The following ADD3 variants were observed in gnomAD, a reference collection of about 807,000 sequenced individuals.
ADD3 encodes gamma-adducin.
In ADD3, 25 loss-of-function variants were observed where a neutral mutation model predicts 80.2. The observed-to-expected ratio is 0.31, with a 90% CI of 0.23 to 0.44. ADD3 has a LOEUF of 0.44. Ranked by LOEUF, ADD3 falls within the 20% of genes least tolerant of loss-of-function variation. The pLI is 1.00. For missense variants in ADD3, 829 were observed against 847.5 expected (o/e 0.98, Z 0.27); for synonymous variants, 284 against 289.6 (o/e 0.98, Z 0.20).
At chr10:110,063,783 A>ATATATATATATATATATAT (rs1491280257) in intron 1 of ADD3, among the ~76,000 whole-genome samples, 3 of 123,352 alleles carry the variant, frequency 2.4e-5, no homozygotes, top group Non-Finnish European at 5.1e-5. Context: ...ATATATATAT[A>ATATATATATATATATATAT]AAGTGAACAC....
At chr10:110,040,821 C>G (rs968852924) in intron 1 of ADD3, among the ~76,000 whole-genome samples, 22 of 152,096 alleles carry the variant, frequency 1.4e-4, no homozygotes, top group Non-Finnish European at 1.2e-4. Context: ...AATGGTAAAA[C>G]AGAAGGAATG....
chr10:110,018,860 G>C (rs1853314205), intron 1 of ADD3, among the ~76,000 whole-genome samples: 1 of 152,064 alleles, frequency 6.6e-6, no homozygotes, highest in Admixed American at 6.6e-5. Context: ...TGGCAGTGGT[G>C]GTCACATGTA....
At chr10:110,064,718 A>G (rs1057480443) in intron 1 of ADD3, among the ~76,000 whole-genome samples, 15 of 152,184 alleles carry the variant, frequency 9.9e-5, no homozygotes. Context: ...TTTCTGAACA[A>G]TACAAGGATC....
intron 1 of ADD3, among the ~76,000 whole-genome samples, chr10:110,018,364 CT>C (rs1449325464): frequency 6.6e-6 from 1 of 151,530 alleles, no homozygotes; most frequent in African/African-American, 2.4e-5. Context: ...CCCATCTCTA[CT>C]AAAAATATAA....
At chr10:110,092,199 G>A (rs950548094) in intron 1 of ADD3, among the ~76,000 whole-genome samples, 2 of 152,124 alleles carry the variant, frequency 1.3e-5, no homozygotes, top group South Asian at 4.1e-4. Context: ...ATTCAACCCA[G>A]CAATCCCATT....
At chr10:110,070,772 C>A (rs1844581810) in intron 1 of ADD3, among the ~76,000 whole-genome samples, 2 of 152,028 alleles carry the variant, frequency 1.3e-5, no homozygotes, top group Non-Finnish European at 2.9e-5. Flanking sequence ...GATAACCAAA[C>A]TTGTCTCTCG....
At chr10:110,102,263 G>C (rs535359698) in intron 2 of ADD3, among the ~76,000 whole-genome samples, 1 of 142,610 alleles carries the variant, frequency 7.0e-6, no homozygotes, top group South Asian at 2.1e-4. Context: ...TAATTATTTA[G>C]ATCAAAAATA....
At chr10:110,053,357 A>G (rs1490903930) in intron 1 of ADD3, among the ~76,000 whole-genome samples, 1 of 151,986 alleles carries the variant, frequency 6.6e-6, no homozygotes, top group Non-Finnish European at 1.5e-5. Flanking sequence ...TTCATTGAAC[A>G]TTTCTCAATG....
At chr10:110,108,566 GATAA>G (rs1849637941) in intron 2 of ADD3, among the ~76,000 whole-genome samples, 1 of 151,942 alleles carries the variant, frequency 6.6e-6, no homozygotes, top group African/African-American at 2.4e-5. Context: ...CCATCTCAAA[GATAA>G]ATAAAATTTT....
At chr10:110,059,762 C>G (rs536819616) in intron 1 of ADD3, among the ~76,000 whole-genome samples, 3 of 152,276 alleles carry the variant, frequency 2.0e-5, no homozygotes, top group African/African-American at 7.2e-5. Context: ...GAGCGAGACT[C>G]TGTCTCAAAA....
At chr10:110,024,234 A>C (rs1159861878) in intron 1 of ADD3, among the ~76,000 whole-genome samples, 1 of 152,244 alleles carries the variant, frequency 6.6e-6, no homozygotes, top group Non-Finnish European at 1.5e-5. Context: ...TGGGCTTTGC[A>C]ATATCAGGTA....
At chr10:110,111,083 G>A (rs781273942) in intron 2 of ADD3, among the ~76,000 whole-genome samples, 4 of 152,092 alleles carry the variant, frequency 2.6e-5, no homozygotes, top group East Asian at 1.9e-4. Flanking sequence ...CTACCGTCAC[G>A]AGGCAGACCA....
intron 1 of ADD3, among the ~76,000 whole-genome samples, chr10:110,099,632 T>A (rs1848578063): frequency 6.6e-6 from 1 of 152,278 alleles, no homozygotes; most frequent in Admixed American, 6.5e-5. Context: ...ATAAAATGTT[T>A]GAAAGCCACC....
chr10:110,046,126 A>T (rs113823406), intron 1 of ADD3, among the ~76,000 whole-genome samples: 3,056 of 152,322 alleles, frequency 0.02, 115 homozygotes, highest in African/African-American at 0.07. Flanking sequence ...GAATTGCTTG[A>T]TGTGTACCAT....
Position 110,107,758 on chromosome 10 carries a change from A to G in ADD3, c.196-5019A>G, listed in dbSNP as rs545215107. ...TTGTGACAATTAAATAAAATAACAT[A>G]AGAGCATGCAGTACAGCACGCAGCA... On this transcript the variant is annotated intron_variant, in intron 2 of 14. Coordinates refer to ENST00000356080, the MANE Select transcript of ADD3 (RefSeq NM_016824.5). Among the ~76,000 whole-genome samples, 6 of 152,308 alleles carry G rather than the reference A, an allele frequency of 3.9e-5. No individual in the cohort carries two copies. The South Asian group carries it at 1.2e-3, about 32-fold the overall frequency.
At chr10:110,054,032 G>A (rs866643596) in intron 1 of ADD3, among the ~76,000 whole-genome samples, 2 of 152,158 alleles carry the variant, frequency 1.3e-5, no homozygotes, top group African/African-American at 4.8e-5. Context: ...CATTTGATGT[G>A]TACTGACTTA....
At chr10:110,100,139 T>C (rs1246160344) in intron 1 of ADD3, among the ~76,000 whole-genome samples, 1 of 151,996 alleles carries the variant, frequency 6.6e-6, no homozygotes, top group Non-Finnish European at 1.5e-5. Context: ...ATGAGATCAG[T>C]AGTTCCAGAC....
intron 1 of ADD3, among the ~76,000 whole-genome samples, chr10:110,071,960 A>G (rs1382922825): frequency 2.0e-5 from 3 of 152,256 alleles, no homozygotes; most frequent in African/African-American, 7.2e-5. Flanking sequence ...TGCCTTTTCT[A>G]TAATTCTTCC....
intron 1 of ADD3, among the ~76,000 whole-genome samples, chr10:110,100,160 A>T (rs1319436089): frequency 6.6e-6 from 1 of 152,164 alleles, no homozygotes; most frequent in Non-Finnish European, 1.5e-5. Context: ...CAGCATGGTC[A>T]ATATGGTGAA....
Sources: allele counts gnomAD v4.1 joint callset (sites outside exome capture counted in the v4.1 genomes callset), GRCh38; gene constraint gnomAD v4.1.1; transcripts MANE v1.5; gene names NCBI Gene and HGNC (gene_info 2026-07-23, HGNC 2026-07-21).